The following DPY19L2 variants were observed in gnomAD, a reference collection of about 807,000 sequenced individuals.
DPY19L2 encodes the protein probable C-mannosyltransferase DPY19L2.
DPY19L2 carries 34 observed loss-of-function variants against 97.9 expected under a neutral mutation model. That is an observed-to-expected ratio of 0.35 (90% CI 0.26 to 0.46). The LOEUF is 0.46. DPY19L2 is among the 20% of genes least tolerant of loss of function. The pLI is 1.00. For synonymous variants in DPY19L2, 230 were observed against 307.9 expected, an observed-to-expected ratio of 0.75 and a Z score of 2.65; for missense variants, 623 against 911.4, an observed-to-expected ratio of 0.68 and a Z score of 4.07.
At chr12:63,577,897 A>G (rs914198577) in intron 19 of DPY19L2, among the ~76,000 whole-genome samples, 4 of 152,134 alleles carry the variant, frequency 2.6e-5, no homozygotes, top group African/African-American at 9.7e-5. Flanking sequence ...TTCCTCAAAA[A>G]ACTAAAAATA....
At chr12:63,632,058 C>T (rs1890789207) in intron 6 of DPY19L2, among the ~76,000 whole-genome samples, 1 of 152,038 alleles carries the variant, frequency 6.6e-6, no homozygotes, top group Admixed American at 6.6e-5. Context: ...ATTGATGGGA[C>T]ATATCTCAAA....
intron 6 of DPY19L2, among the ~76,000 whole-genome samples, chr12:63,638,123 A>G (rs1046640886): frequency 6.6e-6 from 1 of 152,180 alleles, no homozygotes; most frequent in Non-Finnish European, 1.5e-5. Context: ...GATTATCTCA[A>G]TAGATGCAGA....
At chr12:63,629,673 C>A (rs1890234326) in intron 6 of DPY19L2, among the ~76,000 whole-genome samples, 1 of 152,104 alleles carries the variant, frequency 6.6e-6, no homozygotes, top group Non-Finnish European at 1.5e-5. Flanking sequence ...CTTCCCCAGT[C>A]TAGCAAGGCA....
chr12:63,657,430 G>T (rs1895108880), intron 4 of DPY19L2, among the ~76,000 whole-genome samples: 1 of 152,188 alleles, frequency 6.6e-6, no homozygotes. Context: ...AATGGGGGAA[G>T]AGTGACAGGT....
intron 20 of DPY19L2, 115 bp downstream of exon 20, chr12:63,570,643 G>A: frequency 1.0e-6 from 1 of 984,524 alleles, no homozygotes; most frequent in Non-Finnish European, 1.4e-6. Flanking sequence ...AAATGAGGAT[G>A]AGTTTGTGTG....
intron 1 of DPY19L2, among the ~76,000 whole-genome samples, chr12:63,667,272 T>C (rs560509891): frequency 6.6e-6 from 1 of 152,278 alleles, no homozygotes; most frequent in South Asian, 2.1e-4. Context: ...CCAACAATTA[T>C]ATACACTGGC....
At chr12:63,644,307 T>A (rs1324309613) in intron 6 of DPY19L2, 96 bp downstream of exon 6, 6 of 1,475,926 alleles carry the variant, frequency 4.1e-6, no homozygotes, top group Admixed American at 2.5e-5. Flanking sequence ...CTGATATGAA[T>A]CTAATCTCAT....
At chr12:63,565,444 A>C (rs1307763844) in intron 21 of DPY19L2, among the ~76,000 whole-genome samples, 4 of 152,182 alleles carry the variant, frequency 2.6e-5, no homozygotes, top group Non-Finnish European at 5.9e-5. Context: ...TTCTACCATC[A>C]CATCGCCTTT....
At chr12:63,621,633 G>A (rs1395456049) in intron 8 of DPY19L2, among the ~76,000 whole-genome samples, 3 of 152,162 alleles carry the variant, frequency 2.0e-5, no homozygotes, top group Non-Finnish European at 1.5e-5. Flanking sequence ...TATTACTCCA[G>A]CAAGGAGGTC....
chr12:63,590,613 T>C (rs1428220001), intron 16 of DPY19L2, among the ~76,000 whole-genome samples: 2 of 152,116 alleles, frequency 1.3e-5, no homozygotes, highest in South Asian at 2.1e-4. Flanking sequence ...AGACACACTA[T>C]TAAATACAAG....
intron 4 of DPY19L2, among the ~76,000 whole-genome samples, chr12:63,650,906 T>C (rs1464530151): frequency 6.6e-6 from 1 of 151,956 alleles, no homozygotes; most frequent in Middle Eastern, 3.2e-3. Context: ...GTAAATAAAA[T>C]AAAACACATA....
rs560353649 is a variant in DPY19L2 at position 63,600,846 on chromosome 12, C to T, written c.1279-460G>A. On this transcript the variant is annotated intron_variant, in intron 12 of 21. Coordinates refer to ENST00000324472, the MANE Select transcript of DPY19L2 (RefSeq NM_173812.5). ...TGTCCCCCAGGCCGGAGTGCAGTGG[C>T]GCGATCTCTGCTCACTGCAAGCTCC... Among the ~76,000 whole-genome samples, 474 of 147,046 alleles carry T rather than the reference C, an allele frequency of 3.2e-3. 3 individuals are homozygous for T. The highest frequency in any genetic ancestry group is 0.011 in the African/African-American group (429 of 40,678).
chr12:63,634,655 G>T lies in DPY19L2; in HGVS notation c.804-8129C>A, dbSNP rs1350637527. Among the ~76,000 whole-genome samples, 6 of 152,272 alleles carry T rather than the reference G, an allele frequency of 3.9e-5. No individual in the cohort carries two copies. The East Asian group carries it at 5.8e-4, about 15-fold the overall frequency. On this transcript the variant is annotated intron_variant, in intron 6 of 21. Coordinates refer to ENST00000324472, the MANE Select transcript of DPY19L2 (RefSeq NM_173812.5). ...TTACATCCCGCACATGGCTCAGAAGGTCCCATGCCCATGGAGCCTCACTCA... is the reference window on the plus strand; with the variant it reads ...TTACATCCCGCACATGGCTCAGAAGTTCCCATGCCCATGGAGCCTCACTCA...
At chr12:63,614,424 T>C (rs2137722085) in intron 11 of DPY19L2, among the ~76,000 whole-genome samples, 1 of 151,818 alleles carries the variant, frequency 6.6e-6, no homozygotes, top group African/African-American at 2.4e-5. Flanking sequence ...AAACATGAAA[T>C]AAGGTTGATA....
At chr12:63,589,387 A>AAAAAAAAAAAAAT (rs1280865508) in intron 16 of DPY19L2, among the ~76,000 whole-genome samples, 1 of 132,232 alleles carries the variant, frequency 7.6e-6, no homozygotes, top group Non-Finnish European at 1.6e-5. Flanking sequence ...AAAAAAAAAA[A>AAAAAAAAAAAAAT]AAAAAGTAAA....
At chr12:63,631,158 C>A (rs1452667821) in intron 6 of DPY19L2, among the ~76,000 whole-genome samples, 2 of 152,032 alleles carry the variant, frequency 1.3e-5, no homozygotes, top group Non-Finnish European at 2.9e-5. Context: ...ATTAAAAGAA[C>A]TAGAGAAGCA....
At chr12:63,596,290 T>C (rs997383026) in intron 14 of DPY19L2, among the ~76,000 whole-genome samples, 1 of 152,082 alleles carries the variant, frequency 6.6e-6, no homozygotes, top group Non-Finnish European at 1.5e-5. Flanking sequence ...AATTGCTATA[T>C]CTATTTTTTC....
chr12:63,628,439 G>A (rs1889966428), intron 6 of DPY19L2, among the ~76,000 whole-genome samples: 1 of 152,126 alleles, frequency 6.6e-6, no homozygotes, highest in South Asian at 2.1e-4. Flanking sequence ...TGGCTCGGAG[G>A]GTCCTATGCC....
rs1592682486 is a variant in DPY19L2 at position 63,637,235 on chromosome 12, A to C, written c.803+7168T>G. On this transcript the variant is annotated intron_variant, in intron 6 of 21. Coordinates refer to ENST00000324472, the MANE Select transcript of DPY19L2 (RefSeq NM_173812.5). ...AGAAATAAAGATGTTCTTTGAAACC[A>C]ATGAGAACAAAGATACAACATACCA... Among the ~76,000 whole-genome samples, 3 of 152,278 alleles carry C rather than the reference A, an allele frequency of 2.0e-5. No homozygotes were observed. The South Asian group carries it at 6.2e-4, about 32-fold the overall frequency.
Sources: allele counts gnomAD v4.1 joint callset (sites outside exome capture counted in the v4.1 genomes callset), GRCh38; gene constraint gnomAD v4.1.1; transcripts MANE v1.5; gene names NCBI Gene and HGNC (gene_info 2026-07-23, HGNC 2026-07-21).